Variants in WNK2 observed in about 807,000 individuals in gnomAD.
WNK2 encodes WNK lysine deficient protein kinase 2.
In WNK2, 67 loss-of-function variants were observed where a neutral mutation model predicts 192.1. The ratio of observed to expected loss-of-function variants is 0.35; its 90% CI spans 0.29 to 0.43. The LOEUF (loss-of-function observed/expected upper bound fraction) is 0.43. Among genes scored for constraint, WNK2 ranks in the 20% least tolerant of loss-of-function variants. The probability of loss-of-function intolerance (pLI) is 1.00; values close to 1 mark genes in which losing one functional copy is unlikely to be tolerated. For missense variants in WNK2, 2,698 were observed against 3,089.7 expected (o/e 0.87, Z 3.01); for synonymous variants, 1,439 against 1,393.9 (o/e 1.03, Z -0.72).
At chr9:93,298,991 A>G (rs1039289132) in intron 24 of WNK2, 79 bp from the exon 25 acceptor site, 2 of 1,435,116 alleles carry the variant, frequency 1.4e-6, no homozygotes, top group Non-Finnish European at 1.9e-6. Context: ...AGCAATAAGC[A>G]GGCAGAACAG....
Position 93,292,835 on chromosome 9 carries a change from G to A in WNK2, c.5370G>A (p.Arg1790=), listed in dbSNP as rs1204350569. Reference sequence around the variant, plus strand: ...CCGACGTGAAGCTGGCAGTGCGGCGGGCGCAGACGGCCTCCTCCATCGAGG... The same window carrying A: ...CCGACGTGAAGCTGGCAGTGCGGCGAGCGCAGACGGCCTCCTCCATCGAGG... ...SSPDVKLAVR[R]AQTASSIEVG... Residue 1790 remains arginine, a synonymous_variant, in exon 23 of 30, where the codon CGG becomes CGA. Transcript: ENST00000427277. 1 of 1,503,448 alleles carries A rather than the reference G, an allele frequency of 6.7e-7. No homozygotes were observed. The highest frequency in any genetic ancestry group is 8.9e-7 in the Non-Finnish European group (1 of 1,125,162). 93.1% of individuals were successfully genotyped at this position (1,503,448 alleles called of 1,614,324 possible).
chr9:93,306,565 C>A, intron 26 of WNK2: 1 of 608,418 alleles, frequency 1.6e-6, no homozygotes, highest in East Asian at 2.8e-5. Context: ...GGCCCTGGCA[C>A]CTCTGCCCCC....
chr9:93,209,345 G>A (rs908893438), intron 2 of WNK2, among the ~76,000 whole-genome samples: 3 of 152,166 alleles, frequency 2.0e-5, no homozygotes, highest in Non-Finnish European at 4.4e-5. Flanking sequence ...CACCCACCAC[G>A]TGTGTGGCAG....
At chr9:93,316,996 G>A in intron 28 of WNK2, 1 of 172,532 alleles carries the variant, frequency 5.8e-6, no homozygotes, top group Non-Finnish European at 1.3e-5. Flanking sequence ...ACTCCCCGTG[G>A]CCAGCAGCCT....
intron 8 of WNK2, among the ~76,000 whole-genome samples, chr9:93,248,168 C>G (rs1255966930): frequency 2.0e-5 from 3 of 152,388 alleles, no homozygotes; most frequent in Admixed American, 6.5e-5. Context: ...CCAGCAGACC[C>G]AAGCACTGGG....
Position 93,229,558 on chromosome 9 carries a change from C to A in WNK2, c.682-138C>A. The A allele has an allele frequency of 1.1e-6, 1 of 941,484 alleles. No homozygotes were observed. Among genetic ancestry groups the A allele is most frequent in the Non-Finnish European group, 1.6e-6 (1 of 639,806 alleles). The allele number at this position is 941,484 out of a possible 1,614,324, so 58.3% of individuals were successfully genotyped here. A position where few individuals can be genotyped will look rare whatever the true frequency, so the allele number is the denominator to read the frequency against. On this transcript the variant is annotated intron_variant, in intron 2 of 29. Coordinates refer to ENST00000427277, the MANE Select transcript of WNK2 (RefSeq NM_006648.4). This position sits in a 1 kb window ranked among gnomAD's most constrained non-coding sequence, Gnocchi z 4.9. ...AGTTGTGGTGCCAGTGTCTGCATGC[C>A]CTTCTATCATAGCCGCTTAGCTGCC...
At chr9:93,203,108 T>A (rs1832776258) in intron 2 of WNK2, among the ~76,000 whole-genome samples, 1 of 144,164 alleles carries the variant, frequency 6.9e-6, no homozygotes, top group Non-Finnish European at 1.5e-5. Context: ...GCTGGAGGGG[T>A]GGGGCCCAGA....
Position 93,243,443 on chromosome 9 carries a change from C to G in WNK2, c.1542+3467C>G, listed in dbSNP as rs149695917. 4.1e-3 allele frequency among the ~76,000 whole-genome samples: 621 copies of G among 152,322 alleles called. 4 individuals are homozygous for G. Among genetic ancestry groups the G allele is most frequent in the African/African-American group, 0.014 (584 of 41,568 alleles). ...TCCTGCATCAGTTCACAGCAGAGGC[C>G]CCTTGGCCCGAGCACCTTCACCCCC... On this transcript the variant is annotated intron_variant, in intron 7 of 29. Transcript: ENST00000427277.
Position 93,292,847 on chromosome 9 carries a change from C to T in WNK2, c.5382C>T (p.Ala1794=), listed in dbSNP as rs771194375. The T allele has an allele frequency of 2.0e-6, 3 of 1,497,622 alleles. No individual in the cohort carries two copies. Among genetic ancestry groups the T allele is most frequent in the East Asian group, 4.9e-5 (2 of 40,646 alleles). The allele number at this position is 1,497,622 out of a possible 1,614,324, so 92.8% of individuals were successfully genotyped here. A position where few individuals can be genotyped will look rare whatever the true frequency, so the allele number is the denominator to read the frequency against. ...TGGCAGTGCGGCGGGCGCAGACGGC[C>T]TCCTCCATCGAGGTCGGCGTGGGCG... ...VKLAVRRAQT[A]SSIEVGVGEP... Residue 1794 remains alanine (A), a synonymous_variant, in exon 23 of 30, where the codon GCC becomes GCT. Coordinates refer to ENST00000427277, the MANE Select transcript of WNK2 (RefSeq NM_006648.4).
At position 93,259,306 on chromosome 9, in the gene WNK2, G is replaced by A. The variant is rs112922230; in HGVS notation, c.2758G>A (p.Ala920Thr). ...PVYPAAFPQM[A>T]PTDVPPSPHH... ...GTACCCAGCGGCCTTCCCACAGATG[G>A]CGCCTACTGACGTCCCTCCTTCCCC... is the stretch of plus-strand genomic sequence containing the variant. The change falls in exon 12 of 30, where the codon GCG becomes ACG. Residue 920 changes from alanine to threonine, a missense_variant. Physicochemically the swap from Ala to Thr is moderately conservative, Grantham distance 58 (BLOSUM62 0). Transcript: ENST00000427277. The surrounding 1 kb of genome is among the most constrained non-coding windows in gnomAD (Gnocchi z 4.8). The A allele has an allele frequency of 2.1e-4, 342 of 1,613,560 alleles. No homozygotes were observed. The highest frequency in any genetic ancestry group is 2.7e-4 in the Non-Finnish European group (324 of 1,179,796).
rs770306355 is a variant in WNK2 at position 93,308,482 on chromosome 9, G to A, written c.6414G>A (p.Gly2138=). 2 of 1,609,242 alleles carry A rather than the reference G, an allele frequency of 1.2e-6. No individual in the cohort carries two copies. Among genetic ancestry groups the A allele is most frequent in the South Asian group, 2.2e-5 (2 of 89,650 alleles). Residue 2138 remains glycine (G), a synonymous_variant, in exon 28 of 30, where the codon GGG becomes GGA. Coordinates refer to ENST00000427277, the MANE Select transcript of WNK2 (RefSeq NM_006648.4). ...ACGAGTGGACGAGCAAGACGGTGGG[G>A]GCCGCGCAGCTGAAGCCCACGCTCA... ...LVDEWTSKTV[G]AAQLKPTLNQ...
At chr9:93,313,664 A>G (rs1475583448) in intron 28 of WNK2, among the ~76,000 whole-genome samples, 1 of 152,116 alleles carries the variant, frequency 6.6e-6, no homozygotes, top group African/African-American at 2.4e-5. Flanking sequence ...TTATATTTTC[A>G]TATTCTTATC....
intron 2 of WNK2, among the ~76,000 whole-genome samples, chr9:93,213,547 T>C (rs1835156449): frequency 1.3e-5 from 2 of 152,124 alleles, no homozygotes; most frequent in Admixed American, 1.3e-4. Context: ...CCCAGCACTT[T>C]GGGAAGCCGA....
intron 26 of WNK2, among the ~76,000 whole-genome samples, chr9:93,302,411 G>A (rs1851768447): frequency 6.6e-6 from 1 of 152,146 alleles, no homozygotes. Flanking sequence ...TGGATGCCAA[G>A]GTGCGGCTAG....
chr9:93,297,706 C>A, intron 23 of WNK2, 147 bp from the exon 24 acceptor site: 1 of 745,900 alleles, frequency 1.3e-6, no homozygotes, highest in Non-Finnish European at 2.1e-6. Flanking sequence ...CCCCTGTGTG[C>A]CGCTTTAGAG....
In WNK2 at chr9:93,229,134, G is replaced by A. The variant is rs1276938997; in HGVS notation, c.682-562G>A. Among the ~76,000 whole-genome samples, 2 of 152,136 alleles carry A rather than the reference G, an allele frequency of 1.3e-5. No homozygotes were observed. The highest frequency in any genetic ancestry group is 4.8e-5 in the African/African-American group (2 of 41,412). ...GCAGACACAGTGGCCCAAGGGTCTGGGGAGGTGTCTGCTGTGTCCTCCTGC... is the reference window on the plus strand; with the variant it reads ...GCAGACACAGTGGCCCAAGGGTCTGAGGAGGTGTCTGCTGTGTCCTCCTGC... On this transcript the variant is annotated intron_variant, in intron 2 of 29. Transcript: ENST00000427277. The surrounding 1 kb of genome is among the most constrained non-coding windows in gnomAD (Gnocchi z 4.9).
chr9:93,234,707 G>A, intron 4 of WNK2, 101 bp from the exon 5 acceptor site: 2 of 1,383,308 alleles, frequency 1.4e-6, no homozygotes, highest in Non-Finnish European at 2.0e-6. Flanking sequence ...GATGTGGAGG[G>A]GACATGGGGT....
chr9:93,197,715 G>A (rs1224028659), intron 2 of WNK2, among the ~76,000 whole-genome samples: 1 of 152,138 alleles, frequency 6.6e-6, no homozygotes, highest in Non-Finnish European at 1.5e-5. Context: ...TAGAGACGGG[G>A]TTTCACCATC....
chr9:93,318,778 C>T (rs141562752), intron 29 of WNK2: 4 of 1,413,770 alleles, frequency 2.8e-6, no homozygotes, highest in East Asian at 2.5e-5. Context: ...TCATTCTTCT[C>T]CTGGAGATTT....
Sources: allele counts gnomAD v4.1 joint callset (sites outside exome capture counted in the v4.1 genomes callset), GRCh38; gene constraint gnomAD v4.1.1; non-coding constraint Gnocchi (gnomAD v3.1); transcripts MANE v1.5; gene names NCBI Gene and HGNC (gene_info 2026-07-23, HGNC 2026-07-21).